The following CDKAL1 variants were observed in gnomAD, a reference collection of about 807,000 sequenced individuals.
CDKAL1 encodes threonylcarbamoyladenosine tRNA methylthiotransferase.
CDKAL1 carries 32 observed loss-of-function variants against 68.2 expected under a neutral mutation model. The ratio of observed to expected loss-of-function variants is 0.47; its 90% CI spans 0.35 to 0.63. CDKAL1 has a LOEUF of 0.63. CDKAL1 is among the 30% of genes least tolerant of loss of function. CDKAL1 has a pLI of 0.00. For missense variants in CDKAL1, 606 were observed against 696.7 expected (o/e 0.87, Z 1.47); for synonymous variants, 234 against 244.3 (o/e 0.96, Z 0.39).
chr6:20,670,527 T>G (rs1213659617), intron 5 of CDKAL1, among the ~76,000 whole-genome samples: 1 of 152,166 alleles, frequency 6.6e-6, no homozygotes, highest in Non-Finnish European at 1.5e-5. Flanking sequence ...CTCCTTCCAT[T>G]TATTTATTTA....
rs547067106 is a variant in CDKAL1 at position 21,167,036 on chromosome 6, T to G, written c.1300-30985T>G. On this transcript the variant is annotated intron_variant, in intron 13 of 15. Coordinates refer to ENST00000274695, the MANE Select transcript of CDKAL1 (RefSeq NM_017774.3). ...CTTATCTGTGTCCTAGAGATAATGA[T>G]ACTTCAAATAGTTGTCATGAGGAAC... is the stretch of plus-strand genomic sequence containing the variant. 2.1e-3 allele frequency among the ~76,000 whole-genome samples: 323 copies of G among 152,346 alleles called. 2 individuals are homozygous for G. Among genetic ancestry groups the G allele is most frequent in the Admixed American group, 4.5e-3 (69 of 15,302 alleles).
intron 6 of CDKAL1, among the ~76,000 whole-genome samples, chr6:20,743,987 T>C (rs1230128897): frequency 6.6e-6 from 1 of 152,242 alleles, no homozygotes; most frequent in Non-Finnish European, 1.5e-5. Context: ...TATTTATGAG[T>C]GACCAGTATA....
In CDKAL1 at chr6:20,678,105, ACT is replaced by A. The variant is rs762138204; in HGVS notation, c.371+28731_371+28732del. On this transcript the variant is annotated intron_variant, in intron 5 of 15. Coordinates refer to ENST00000274695, the MANE Select transcript of CDKAL1 (RefSeq NM_017774.3). ...AGATCTGTGTTGTTTTTTTTTTTTG[ACT>A]CTATTTAAGTCTTTGTACTATCATT... Among the ~76,000 whole-genome samples, 164 of 113,340 alleles carry A rather than the reference ACT, an allele frequency of 1.4e-3. 1 individual carries two copies. Among genetic ancestry groups the A allele is most frequent in the Middle Eastern group, 9.6e-3 (2 of 208 alleles). The allele number at this position is 113,340 out of a possible 152,430, so 74.4% of individuals were successfully genotyped here. A position where few individuals can be genotyped will look rare whatever the true frequency, so the allele number is the denominator to read the frequency against.
At chr6:20,818,664 A>AT (rs1209054210) in intron 8 of CDKAL1, among the ~76,000 whole-genome samples, 1 of 151,498 alleles carries the variant, frequency 6.6e-6, no homozygotes, top group African/African-American at 2.4e-5. Flanking sequence ...GGACAGATAC[A>AT]TTAATCTTAA....
At chr6:20,588,293 C>T (rs968802701) in intron 4 of CDKAL1, among the ~76,000 whole-genome samples, 8 of 152,166 alleles carry the variant, frequency 5.3e-5, no homozygotes, top group African/African-American at 1.9e-4. Flanking sequence ...TTCAAAAATA[C>T]TCTTCCTTCT....
intron 9 of CDKAL1, among the ~76,000 whole-genome samples, chr6:20,887,865 C>T (rs1761164418): frequency 6.6e-6 from 1 of 150,770 alleles, no homozygotes; most frequent in Non-Finnish European, 1.5e-5. Flanking sequence ...CTCACTGCAG[C>T]CTTGAACTCC....
chr6:21,043,814 C>T (rs1448798143), intron 11 of CDKAL1, among the ~76,000 whole-genome samples: 1 of 152,180 alleles, frequency 6.6e-6, no homozygotes, highest in Non-Finnish European at 1.5e-5. Flanking sequence ...TCACTTTGTA[C>T]AGGAAGCGTA....
At position 20,778,124 on chromosome 6, in the gene CDKAL1, A is replaced by G. The variant is rs1020176982; in HGVS notation, c.518-3021A>G. On this transcript the variant is annotated intron_variant, in intron 7 of 15. Transcript: ENST00000274695. Reference sequence around the variant, plus strand: ...AAAAGAGCTTAGGCCTTCACTGTACATAAAAATAAAGTGAATTCTAGACAT... The same window carrying G: ...AAAAGAGCTTAGGCCTTCACTGTACGTAAAAATAAAGTGAATTCTAGACAT... Among the ~76,000 whole-genome samples, 6 of 152,314 alleles carry G rather than the reference A, an allele frequency of 3.9e-5. No homozygotes were observed. In the South Asian group the frequency reaches 1.0e-3, roughly 26 times the overall value.
chr6:21,154,531 G>A (rs9350324), intron 13 of CDKAL1, among the ~76,000 whole-genome samples: 53,346 of 152,016 alleles, frequency 0.35, 9,851 homozygotes, highest in African/African-American at 0.46. Context: ...TGAGAAAAAT[G>A]TATTGCTTAG....
At chr6:20,810,399 CACACA>C (rs1776752926) in intron 8 of CDKAL1, among the ~76,000 whole-genome samples, 1 of 6,400 alleles carries the variant, frequency 1.6e-4, no homozygotes, top group East Asian at 8.1e-3. Flanking sequence ...CTGTCACACA[CACACA>C]CACACACACA....
At chr6:21,090,114 C>T (rs1349643328) in intron 12 of CDKAL1, among the ~76,000 whole-genome samples, 1 of 152,128 alleles carries the variant, frequency 6.6e-6, no homozygotes, top group Admixed American at 6.5e-5. Flanking sequence ...AAATAGACAC[C>T]TGTTACCTTT....
chr6:21,180,496 TC>T (rs758016762), intron 13 of CDKAL1, among the ~76,000 whole-genome samples: 29 of 152,158 alleles, frequency 1.9e-4, no homozygotes, highest in Non-Finnish European at 3.5e-4. Context: ...AAGTTAGCTG[TC>T]TGGTCCCAAT....
At chr6:21,099,768 T>C (rs758879410) in intron 12 of CDKAL1, among the ~76,000 whole-genome samples, 1 of 152,264 alleles carries the variant, frequency 6.6e-6, no homozygotes, top group Non-Finnish European at 1.5e-5. Context: ...TAGTGCCCTT[T>C]GACTTTGTCT....
chr6:20,997,279 GA>G (rs1254279472), intron 10 of CDKAL1, among the ~76,000 whole-genome samples: 3 of 152,128 alleles, frequency 2.0e-5, no homozygotes, highest in African/African-American at 4.8e-5. Flanking sequence ...AAGATGAAGA[GA>G]ACACAAGTTG....
chr6:20,932,662 G>A (rs1298339075), intron 9 of CDKAL1, among the ~76,000 whole-genome samples: 1 of 152,076 alleles, frequency 6.6e-6, no homozygotes, highest in Non-Finnish European at 1.5e-5. Flanking sequence ...TGGCGCCAGA[G>A]TCCCCTAACA....
chr6:20,925,408 A>C (rs956832451), intron 9 of CDKAL1, among the ~76,000 whole-genome samples: 1 of 152,208 alleles, frequency 6.6e-6, no homozygotes, highest in South Asian at 2.1e-4. Flanking sequence ...AGACTTTGTC[A>C]TGTGAAATAA....
At chr6:20,908,372 A>G (rs1208278725) in intron 9 of CDKAL1, among the ~76,000 whole-genome samples, 7 of 152,234 alleles carry the variant, frequency 4.6e-5, no homozygotes, top group African/African-American at 1.4e-4. Flanking sequence ...AATATTTACC[A>G]TTGATTAAAA....
chr6:21,171,357 C>T (rs753813921), intron 13 of CDKAL1, among the ~76,000 whole-genome samples: 2 of 152,022 alleles, frequency 1.3e-5, no homozygotes, highest in Non-Finnish European at 2.9e-5. Flanking sequence ...GGATTACAGG[C>T]GCCCACCACC....
intron 9 of CDKAL1, among the ~76,000 whole-genome samples, chr6:20,877,122 A>C (rs946870631): frequency 1.3e-5 from 2 of 152,202 alleles, no homozygotes; most frequent in Non-Finnish European, 2.9e-5. Context: ...TGGAATCAAT[A>C]AGCATTTACA....
Sources: gnomAD v4.1 joint callset for allele counts (sites outside exome capture counted in the v4.1 genomes callset) on GRCh38, gnomAD v4.1.1 for gene constraint, MANE v1.5 for transcripts, NCBI Gene and HGNC (gene_info 2026-07-23, HGNC 2026-07-21) for gene names.